Variants in EDEM3 observed in about 807,000 individuals in gnomAD.
EDEM3 encodes ER degradation-enhancing alpha-mannosidase-like protein 3.
Under a neutral mutation model 110.2 loss-of-function variants are expected in EDEM3, and 60 were observed. The observed-to-expected ratio is 0.54, with a 90% CI of 0.44 to 0.67. The LOEUF (loss-of-function observed/expected upper bound fraction) is 0.67. Ranked by LOEUF, EDEM3 falls within the 30% of genes least tolerant of loss-of-function variation. The pLI is 0.00. For missense variants in EDEM3, 996 were observed against 1,121.0 expected (o/e 0.89, Z 1.59); for synonymous variants, 352 against 382.9 (o/e 0.92, Z 0.94).
intron 2 of EDEM3, among the ~76,000 whole-genome samples, chr1:184,743,987 A>G (rs889409614): frequency 2.0e-5 from 3 of 148,554 alleles, no homozygotes; most frequent in African/African-American, 7.6e-5. Context: ...AACATCTAGG[A>G]AAAAAAAACA....
rs754025405 is a variant in EDEM3 at position 184,706,728 on chromosome 1, G to A, written c.2118C>T (p.Ile706=). ...TGCACTGTCCTCTTTGTATCAGTGC[G>A]ATTTTTCCCATCACTGCCTCTGGGT... ...LTNPEAVMGK[I]ALIQRGQCMF... is the part of the protein sequence containing the mutation. Residue 706 remains isoleucine (I), a synonymous_variant, in exon 18 of 20, where the codon ATC becomes ATT. Coordinates refer to ENST00000318130, the MANE Select transcript of EDEM3 (RefSeq NM_025191.4). 20 of 1,613,778 alleles carry A rather than the reference G, an allele frequency of 1.2e-5. No individual in the cohort carries two copies. The highest frequency in any genetic ancestry group is 1.6e-5 in the Non-Finnish European group (19 of 1,179,896).
chr1:184,713,094 C>A (rs1327005677), intron 13 of EDEM3, among the ~76,000 whole-genome samples: 2 of 151,868 alleles, frequency 1.3e-5, no homozygotes, highest in Non-Finnish European at 2.9e-5. Flanking sequence ...GGTGAAACCC[C>A]GTCTCTACTA....
intron 2 of EDEM3, among the ~76,000 whole-genome samples, chr1:184,740,610 TC>T (rs1652083335): frequency 6.6e-6 from 1 of 152,182 alleles, no homozygotes; most frequent in East Asian, 1.9e-4. Flanking sequence ...CCCGTGATAA[TC>T]CTATGTAATA....
intron 6 of EDEM3, among the ~76,000 whole-genome samples, chr1:184,730,559 C>T (rs750189028): frequency 3.9e-5 from 6 of 152,098 alleles, no homozygotes; most frequent in Non-Finnish European, 7.4e-5. Context: ...TGAACTCCAG[C>T]CTGGGTGATA....
intron 8 of EDEM3, 70 bp downstream of exon 8, chr1:184,723,681 A>AG (rs1219967693): frequency 2.4e-5 from 28 of 1,167,052 alleles, no homozygotes; most frequent in Non-Finnish European, 3.2e-5. Flanking sequence ...ATTTTAACAA[A>AG]TGAAAATTCT....
At chr1:184,735,829 C>T (rs1651791849) in intron 4 of EDEM3, among the ~76,000 whole-genome samples, 1 of 152,132 alleles carries the variant, frequency 6.6e-6, no homozygotes, top group African/African-American at 2.4e-5. Context: ...CCTCCATACA[C>T]ATATACATTT....
At chr1:184,696,797 G>A (rs1459542352) in intron 19 of EDEM3, among the ~76,000 whole-genome samples, 1 of 151,932 alleles carries the variant, frequency 6.6e-6, no homozygotes, top group Non-Finnish European at 1.5e-5. Context: ...TTTCTAGATT[G>A]TATTATTCCA....
chr1:184,706,624 G>C lies in EDEM3; in HGVS notation c.2203+19C>G. ...TTATCTCCCCTTCAGTCAACACAAT[G>C]ACATGGATGATTACTTACCAATAAC... On this transcript the variant is annotated intron_variant, in intron 18 of 19. Transcript: ENST00000318130. The C allele has an allele frequency of 6.3e-7, 1 of 1,585,646 alleles. No individual in the cohort carries two copies. Among genetic ancestry groups the C allele is most frequent in the Non-Finnish European group, 8.6e-7 (1 of 1,160,734 alleles).
intron 16 of EDEM3, among the ~76,000 whole-genome samples, chr1:184,710,158 T>C (rs926579593): frequency 2.0e-5 from 3 of 152,194 alleles, no homozygotes; most frequent in Admixed American, 6.5e-5. Context: ...CATTTGATTA[T>C]ATTAACTTCA....
chr1:184,693,966 C>CT lies in EDEM3; in HGVS notation c.*96_*97insA, dbSNP rs1649196856. The CT allele has an allele frequency of 7.7e-7, 1 of 1,294,206 alleles. No individual in the cohort carries two copies. Among genetic ancestry groups the CT allele is most frequent in the Non-Finnish European group, 1.1e-6 (1 of 942,490 alleles). The allele number at this position is 1,294,206 out of a possible 1,614,324, so 80.2% of individuals were successfully genotyped here. Reference sequence around the variant, plus strand: ...TGGTTGTTCATCACCATACTTAAAGCCTCCCATTAGAAAGCCTGCTTAGTA... The same window carrying CT: ...TGGTTGTTCATCACCATACTTAAAGCTCTCCCATTAGAAAGCCTGCTTAGTA... On this transcript the variant is annotated 3_prime_UTR_variant, in exon 20 of 20. Transcript: ENST00000318130.
chr1:184,694,310 T>C lies in EDEM3; in HGVS notation c.2552A>G (p.Asp851Gly), dbSNP rs762413955. 7 of 1,613,282 alleles carry C rather than the reference T, an allele frequency of 4.3e-6. No individual in the cohort carries two copies. The South Asian group carries it at 6.6e-5, about 15-fold the overall frequency. ...GGAAATGCTTGCAGCATTGTCCATA[T>C]CTGCTAGAGATAATGATTCTGGGTG... ...NSHPESLSLA[D>G]MDNAASISPS... Residue 851 changes from aspartate to glycine, a missense_variant, in exon 20 of 20, where the codon GAT becomes GGT. Asp to Gly is a moderately conservative substitution (Grantham distance 94). Around this residue, in one of 5 missense-constraint regions of EDEM3, gnomAD observed 345 missense variants for 402.0 expected, o/e 0.86. Transcript: ENST00000318130.
chr1:184,747,020 C>CAAAAAA (rs34429442), intron 2 of EDEM3, among the ~76,000 whole-genome samples: 2 of 132,920 alleles, frequency 1.5e-5, no homozygotes. Context: ...TGATCAAATG[C>CAAAAAA]AAAAAAAAAA....
At chr1:184,736,920 T>C (rs1651858226) in intron 4 of EDEM3, 105 bp downstream of exon 4, 4 of 919,696 alleles carry the variant, frequency 4.3e-6, no homozygotes, top group African/African-American at 1.7e-5. Context: ...AGAACATCTT[T>C]AATTCTGAAG....
chr1:184,708,429 T>A (rs576641772), intron 16 of EDEM3, 85 bp from the exon 17 acceptor site: 19 of 1,359,206 alleles, frequency 1.4e-5, no homozygotes, highest in Non-Finnish European at 1.9e-5. Context: ...TGTACTGTAG[T>A]ATTCTACTCT....
intron 2 of EDEM3, among the ~76,000 whole-genome samples, chr1:184,745,693 G>C (rs536391853): frequency 6.6e-5 from 10 of 152,172 alleles, no homozygotes; most frequent in Non-Finnish European, 1.3e-4. Flanking sequence ...GATTAATAAA[G>C]ACTATTCTAC....
At chr1:184,732,429 A>G (rs1028792462) in intron 6 of EDEM3, among the ~76,000 whole-genome samples, 1 of 152,222 alleles carries the variant, frequency 6.6e-6, no homozygotes, top group Non-Finnish European at 1.5e-5. Flanking sequence ...TACAGTCAAC[A>G]GAAATGTATC....
In EDEM3 at chr1:184,708,258, C is replaced by T. The variant is rs761662825; in HGVS notation, c.1932G>A (p.Gln644=). The T allele has an allele frequency of 3.1e-6, 5 of 1,613,362 alleles. No individual in the cohort carries two copies. The Admixed American group carries it at 8.4e-5, about 27-fold the overall frequency. Residue 644 remains glutamine, a synonymous_variant, in exon 17 of 20, where the codon CAG becomes CAA. Transcript: ENST00000318130. The part of the protein sequence containing the change: ...ELSSQQQKEQ[Q]LPPRAVQIVS... ...CAATTTGTACAGCTCGTGGAGGCAG[C>T]TGCTGTTCTTTTTGTTGCTGACTTG... is the stretch of plus-strand genomic sequence containing the variant.
chr1:184,715,914 A>G (rs1650519657), intron 13 of EDEM3, among the ~76,000 whole-genome samples: 2 of 152,280 alleles, frequency 1.3e-5, no homozygotes, highest in South Asian at 4.1e-4. Context: ...TCCGAACACT[A>G]AGTGAAGAAC....
At chr1:184,713,991 T>C (rs1378431488) in intron 13 of EDEM3, among the ~76,000 whole-genome samples, 1 of 152,246 alleles carries the variant, frequency 6.6e-6, no homozygotes, top group Non-Finnish European at 1.5e-5. Context: ...TCAAAACATG[T>C]TTAGCCATTT....
Sources: gnomAD v4.1 joint callset for allele counts (sites outside exome capture counted in the v4.1 genomes callset) on GRCh38, gnomAD v4.1.1 for gene constraint, gnomAD v4.1.1 regional missense constraint, MANE v1.5 for transcripts, NCBI Gene and HGNC (gene_info 2026-07-23, HGNC 2026-07-21) for gene names.